The following CPED1 variants were observed in gnomAD, a reference collection of about 807,000 sequenced individuals.
The protein encoded by CPED1 is cadherin-like and PC-esterase domain-containing protein 1.
A neutral mutation model predicts 128.2 loss-of-function variants in CPED1; 114 were observed. That is an observed-to-expected ratio of 0.89 (90% CI 0.76 to 1.04). The LOEUF (loss-of-function observed/expected upper bound fraction) is 1.04. Among genes scored for constraint, CPED1 ranks in the 50% least tolerant of loss-of-function variants. The pLI, the probability that CPED1 is intolerant of heterozygous loss-of-function variation, is 0.00. For synonymous variants in CPED1, 462 were observed against 426.7 expected (o/e 1.08, Z -1.02); for missense variants, 1,211 against 1,207.1 (o/e 1.00, Z -0.05).
intron 16 of CPED1, among the ~76,000 whole-genome samples, chr7:121,169,608 T>C (rs1353115026): frequency 6.6e-6 from 1 of 152,244 alleles, no homozygotes; most frequent in Non-Finnish European, 1.5e-5. Context: ...AGAATACTAA[T>C]GGCTAAACTT....
chr7:121,133,408 G>T (rs896457109), intron 12 of CPED1, among the ~76,000 whole-genome samples: 16 of 152,060 alleles, frequency 1.1e-4, no homozygotes, highest in African/African-American at 3.6e-4. Context: ...TTTCTGCATG[G>T]TATACTTATT....
chr7:121,245,129 C>G (rs570469747), intron 18 of CPED1, among the ~76,000 whole-genome samples: 6 of 152,068 alleles, frequency 3.9e-5, no homozygotes, highest in Non-Finnish European at 8.8e-5. Flanking sequence ...TCACAAAGCT[C>G]TATTAAAACA....
intron 16 of CPED1, among the ~76,000 whole-genome samples, chr7:121,221,804 T>C (rs1797885762): frequency 6.6e-6 from 1 of 152,058 alleles, no homozygotes; most frequent in Admixed American, 6.6e-5. Flanking sequence ...CACTTTTTGA[T>C]TGGTTTATTT....
At chr7:121,136,553 C>T (rs1036624188) in intron 14 of CPED1, among the ~76,000 whole-genome samples, 35 of 152,008 alleles carry the variant, frequency 2.3e-4, no homozygotes, top group East Asian at 3.9e-4. Context: ...AGACATAATA[C>T]GAGAAACGTA....
intron 3 of CPED1, among the ~76,000 whole-genome samples, chr7:121,021,602 G>A (rs540488057): frequency 6.6e-6 from 1 of 152,090 alleles, no homozygotes; most frequent in African/African-American, 2.4e-5. Flanking sequence ...TGGGGAGGTA[G>A]TAGGCTTTGG....
intron 13 of CPED1, among the ~76,000 whole-genome samples, chr7:121,134,224 T>C (rs1314787212): frequency 6.6e-6 from 1 of 152,056 alleles, no homozygotes; most frequent in Non-Finnish European, 1.5e-5. Flanking sequence ...GGGGTGTATG[T>C]ACACAATGGA....
chr7:121,255,141 A>G (rs896440487), intron 18 of CPED1, among the ~76,000 whole-genome samples: 108 of 152,104 alleles, frequency 7.1e-4, no homozygotes, highest in African/African-American at 2.5e-3. Context: ...CCTGATGAAC[A>G]TAGATGCAAA....
chr7:121,147,051 A>G (rs1240611280), intron 16 of CPED1, among the ~76,000 whole-genome samples: 2 of 152,158 alleles, frequency 1.3e-5, no homozygotes, highest in African/African-American at 4.8e-5. Context: ...AACTGTCTTC[A>G]GACATTGCCA....
intron 16 of CPED1, among the ~76,000 whole-genome samples, chr7:121,164,171 C>A (rs1302944310): frequency 6.6e-6 from 1 of 152,208 alleles, no homozygotes; most frequent in East Asian, 1.9e-4. Context: ...CAGGGCATGG[C>A]CCACTGCTGG....
chr7:121,239,960 ATT>A (rs1001968575), intron 17 of CPED1, among the ~76,000 whole-genome samples: 2 of 152,178 alleles, frequency 1.3e-5, no homozygotes, highest in African/African-American at 4.8e-5. Flanking sequence ...TTTTTGGACA[ATT>A]TTAGTAAAGA....
intron 5 of CPED1, among the ~76,000 whole-genome samples, chr7:121,085,448 A>G (rs1861001): frequency 0.4 from 60,189 of 152,060 alleles, 12,480 homozygotes; most frequent in Middle Eastern, 0.55. Context: ...ATGTAATATT[A>G]TAGTCTCAAC....
chr7:121,130,127 C>T lies in CPED1; in HGVS notation c.1410C>T (p.Leu470=). 6.2e-7 allele frequency: 1 copy of T among 1,610,404 alleles called. No individual in the cohort carries two copies. Among genetic ancestry groups the T allele is most frequent in the Non-Finnish European group, 8.5e-7 (1 of 1,177,144 alleles). The part of the protein sequence containing the change: ...ELGSLGQFQL[L]FPSTTPGIQS... ...ATACTGATATTTTGTGTTCTCAGCT[C>T]TTCCCATCTACTACTCCTGGGATTC... Residue 470 remains leucine (L), a splice_region_variant and synonymous_variant, in exon 12 of 23, where the codon CTC becomes CTT. Transcript: ENST00000310396.
intron 16 of CPED1, among the ~76,000 whole-genome samples, chr7:121,207,435 C>T (rs1797546527): frequency 1.3e-5 from 2 of 152,008 alleles, no homozygotes; most frequent in South Asian, 4.1e-4. Context: ...TCATCCCAGT[C>T]CTGTGACTCA....
At chr7:121,150,797 C>A (rs1258238380) in intron 16 of CPED1, among the ~76,000 whole-genome samples, 1 of 151,912 alleles carries the variant, frequency 6.6e-6, no homozygotes, top group Non-Finnish European at 1.5e-5. Flanking sequence ...GAGATGGAGT[C>A]TCGCTCTGTC....
chr7:121,064,171 G>C, intron 4 of CPED1, 67 bp from the exon 5 acceptor site: 1 of 1,082,418 alleles, frequency 9.2e-7, no homozygotes, highest in Non-Finnish European at 1.4e-6. Flanking sequence ...GGTTTTTTGT[G>C]TTTGCTTGGT....
chr7:121,103,200 G>T (rs1794896046), intron 7 of CPED1, among the ~76,000 whole-genome samples: 1 of 152,090 alleles, frequency 6.6e-6, no homozygotes, highest in South Asian at 2.1e-4. Context: ...CTGTGAGACA[G>T]ATGCAAGCTG....
At chr7:121,125,924 T>C (rs1424231237) in intron 9 of CPED1, 32 bp downstream of exon 9, 11 of 1,412,898 alleles carry the variant, frequency 7.8e-6, no homozygotes, top group African/African-American at 1.4e-5. Flanking sequence ...TGTGAGCTTC[T>C]ACCTTGTGGT....
intron 16 of CPED1, among the ~76,000 whole-genome samples, chr7:121,219,131 T>C (rs180899261): frequency 1.3e-5 from 2 of 152,178 alleles, no homozygotes; most frequent in African/African-American, 4.8e-5. Flanking sequence ...TATAAATTCA[T>C]TCTTTTGTTC....
At chr7:121,171,072 AT>A (rs201958445) in intron 16 of CPED1, among the ~76,000 whole-genome samples, 16 of 149,498 alleles carry the variant, frequency 1.1e-4, no homozygotes, top group African/African-American at 3.2e-4. Flanking sequence ...AAAAAAAAAA[AT>A]AAGAAAATTC....
Sources: gnomAD v4.1 joint callset for allele counts (sites outside exome capture counted in the v4.1 genomes callset) on GRCh38, gnomAD v4.1.1 for gene constraint, MANE v1.5 for transcripts, NCBI Gene and HGNC (gene_info 2026-07-23, HGNC 2026-07-21) for gene names.